The following DNAH17 variants were observed in gnomAD, a reference collection of about 807,000 sequenced individuals.
DNAH17 encodes dynein axonemal heavy chain 17.
DNAH17 carries 376 observed loss-of-function variants against 485.6 expected under a neutral mutation model. The ratio of observed to expected loss-of-function variants is 0.77; its 90% confidence interval spans 0.71 to 0.84. The LOEUF (loss-of-function observed/expected upper bound fraction) is 0.84, where lower values mean the gene tolerates loss of function less well. Ranked by LOEUF, DNAH17 falls within the 40% of genes least tolerant of loss-of-function variation. The probability of loss-of-function intolerance (pLI) is 0.00; values close to 1 mark genes in which losing one functional copy is unlikely to be tolerated. For synonymous variants in DNAH17, 3,031 were observed against 2,405.9 expected (o/e 1.26, Z -7.60); for missense variants, 6,370 against 5,839.3 (o/e 1.09, Z -2.96).
In DNAH17 at chr17:78,526,744, G is replaced by A. The variant is rs374211459; in HGVS notation, c.3625-7C>T. 56 of 1,603,534 alleles carry A rather than the reference G, an allele frequency of 3.5e-5. No individual in the cohort carries two copies. Among genetic ancestry groups the A allele is most frequent in the Non-Finnish European group, 4.4e-5 (52 of 1,172,914 alleles). On this transcript the variant is annotated splice_polypyrimidine_tract_variant and splice_region_variant and intron_variant, in intron 23 of 80. Coordinates refer to ENST00000389840, the MANE Select transcript of DNAH17 (RefSeq NM_173628.4). ...TGAACTCATGTTGCTTGAGCTGCGAGAGAAGAGTGCAAAGTACAGAGAGTC... is the reference window on the plus strand; with the variant it reads ...TGAACTCATGTTGCTTGAGCTGCGAAAGAAGAGTGCAAAGTACAGAGAGTC...
chr17:78,438,436 GGA>G (rs1491383876), intron 73 of DNAH17, among the ~76,000 whole-genome samples: 14 of 91,026 alleles, frequency 1.5e-4, no homozygotes, highest in Non-Finnish European at 2.0e-4. Flanking sequence ...AGGAGGAGGA[GGA>G]GGAGGAGGGA....
At chr17:78,433,385 G>A (rs1598441067) in intron 75 of DNAH17, among the ~76,000 whole-genome samples, 1 of 152,330 alleles carries the variant, frequency 6.6e-6, no homozygotes, top group Non-Finnish European at 1.5e-5. Context: ...CTACCATCTG[G>A]TCCCAAACCT....
intron 72 of DNAH17, 26 bp downstream of exon 72, chr17:78,441,025 G>C (rs775593235): frequency 6.4e-7 from 1 of 1,557,402 alleles, no homozygotes; most frequent in Non-Finnish European, 8.7e-7. Context: ...CCGTCTTTGA[G>C]AACATCACTT....
In DNAH17 at chr17:78,485,106, A is replaced by C. The variant is rs979922983; in HGVS notation, c.7484-73T>G. 34 of 1,488,904 alleles carry C rather than the reference A, an allele frequency of 2.3e-5. 1 individual carries two copies. Among genetic ancestry groups the C allele is most frequent in the East Asian group, 7.1e-5 (3 of 42,180 alleles). The allele number at this position is 1,488,904 out of a possible 1,614,324, so 92.2% of individuals were successfully genotyped here. Reference sequence around the variant, plus strand: ...AGCCTGTTAGGTAGGGAGGGGCGCTACCTGCTTCCCCGGAGGACAGAAGGT... The same window carrying C: ...AGCCTGTTAGGTAGGGAGGGGCGCTCCCTGCTTCCCCGGAGGACAGAAGGT... On this transcript the variant is annotated intron_variant, in intron 47 of 80. Coordinates refer to ENST00000389840, the MANE Select transcript of DNAH17 (RefSeq NM_173628.4).
At position 78,492,562 on chromosome 17, in the gene DNAH17, C is replaced by CG. The variant is rs1206622696; in HGVS notation, c.6541+70dup. The CG allele has an allele frequency of 5.1e-6, 8 of 1,577,996 alleles. No individual in the cohort carries two copies. The Admixed American group carries it at 1.2e-4, about 24-fold the overall frequency. On this transcript the variant is annotated intron_variant, in intron 42 of 80. Transcript: ENST00000389840. ...GGGAGGCTGGCCTTCCACGTGGGAA[C>CG]GGCTGAGCACACGCTCACTGCACTG...
At chr17:78,547,021 T>G (rs770651377) in intron 16 of DNAH17, among the ~76,000 whole-genome samples, 5 of 152,250 alleles carry the variant, frequency 3.3e-5, no homozygotes, top group Non-Finnish European at 7.3e-5. Flanking sequence ...TTATCAATCA[T>G]GTTTATCACC....
intron 42 of DNAH17, among the ~76,000 whole-genome samples, chr17:78,491,948 C>A (rs1301745476): frequency 6.6e-6 from 1 of 152,176 alleles, no homozygotes; most frequent in African/African-American, 2.4e-5. Context: ...ACGCTTCATG[C>A]GTCAGGCATG....
chr17:78,423,932 C>A lies in DNAH17; in HGVS notation c.13363G>T (p.Ala4455Ser). 1.2e-6 allele frequency: 2 copies of A among 1,613,998 alleles called. No homozygotes were observed. Among genetic ancestry groups the A allele is most frequent in the Non-Finnish European group, 1.7e-6 (2 of 1,179,894 alleles). Residue 4455 changes from alanine (A) to serine (S), a missense_variant, in exon 81 of 81, where the codon GCC becomes TCC. Coordinates refer to ENST00000389840, the MANE Select transcript of DNAH17 (RefSeq NM_173628.4). The part of the protein sequence containing the change: ...KEKAAKWILA[A>S]VALLLQV ...TAAACCTGTAGGAGCAGCGCCACGG[C>A]TGCCAGGATCCACTTCGCTGCCTTC...
At chr17:78,507,942 C>T (rs2090532928) in intron 27 of DNAH17, 137 bp from the exon 28 acceptor site, 2 of 776,186 alleles carry the variant, frequency 2.6e-6, no homozygotes, top group Non-Finnish European at 4.0e-6. Flanking sequence ...TTCACAGGAG[C>T]CAAAGGCAGA....
chr17:78,467,539 T>C (rs941792040), intron 55 of DNAH17, among the ~76,000 whole-genome samples: 1 of 152,134 alleles, frequency 6.6e-6, no homozygotes, highest in Admixed American at 6.5e-5. Flanking sequence ...CTAATTGGGC[T>C]ATGCAGCCCG....
At chr17:78,575,175 C>T (rs549549940) in intron 1 of DNAH17, 93 bp from the exon 2 acceptor site, 12 of 885,686 alleles carry the variant, frequency 1.4e-5, no homozygotes, top group South Asian at 1.8e-5. Context: ...CTGTTTCTAC[C>T]GGAGCAGGAA....
At chr17:78,425,753 CTGCTTTTTTTTTTTT>C (rs1023856566) in intron 79 of DNAH17, among the ~76,000 whole-genome samples, 182 bp from the exon 80 acceptor site, 2 of 113,014 alleles carry the variant, frequency 1.8e-5, no homozygotes, top group African/African-American at 4.2e-5. Flanking sequence ...ACTTTGGTGT[CTGCTTTTTTTTTTTT>C]TTTTTTTTTT....
chr17:78,493,864 T>TC, intron 41 of DNAH17, 172 bp downstream of exon 41: 1 of 931,564 alleles, frequency 1.1e-6, no homozygotes, highest in Non-Finnish European at 1.5e-6. Flanking sequence ...GCTCCTCCCC[T>TC]CCTCCTCGGC....
At chr17:78,526,012 T>C (rs80198717) in intron 24 of DNAH17, among the ~76,000 whole-genome samples, 27,189 of 152,212 alleles carry the variant, frequency 0.18, 2,801 homozygotes, top group East Asian at 0.47. Flanking sequence ...GGCACCGTAC[T>C]GGGAGCAAAG....
chr17:78,520,900 A>G (rs888129334), intron 25 of DNAH17, among the ~76,000 whole-genome samples: 2 of 152,176 alleles, frequency 1.3e-5, no homozygotes, highest in East Asian at 1.9e-4. Context: ...ATGGAAAAGT[A>G]CAAGTCCTAG....
chr17:78,438,992 A>C, intron 73 of DNAH17, 98 bp downstream of exon 73: 1 of 1,480,224 alleles, frequency 6.8e-7, no homozygotes. Context: ...TTCTGAATGC[A>C]AACTCCACAT....
intron 24 of DNAH17, 74 bp downstream of exon 24, chr17:78,526,577 G>A: frequency 1.2e-5 from 16 of 1,323,940 alleles, no homozygotes; most frequent in Non-Finnish European, 1.6e-5. Flanking sequence ...GGACTTGAAA[G>A]GATAACTACT....
rs1003163858 is a variant in DNAH17, at chr17:78,476,688, G to C, written c.8038C>G (p.Leu2680Val). ...TAEVLKTPLD[L>V]VRLWLHETER... is the part of the protein sequence containing the mutation. The stretch of plus-strand genomic sequence containing the variant: ...GTCTCATGTAGCCAAAGGCGGACGA[G>C]GTCCAGTGGGGTTTTCAGAACTTCT... The change falls in exon 52 of 81, where the codon CTC becomes GTC. Residue 2680 changes from leucine to valine, a missense_variant. Leu to Val is a conservative substitution (Grantham distance 32, BLOSUM62 1). Transcript: ENST00000389840. The C allele has an allele frequency of 6.2e-7, 1 of 1,612,954 alleles. No homozygotes were observed. Among genetic ancestry groups the C allele is most frequent in the Non-Finnish European group, 8.5e-7 (1 of 1,179,488 alleles).
At chr17:78,500,158 A>T in intron 36 of DNAH17, 147 bp downstream of exon 36, 1 of 873,120 alleles carries the variant, frequency 1.1e-6, no homozygotes, top group Non-Finnish European at 1.7e-6. Context: ...GCTACCAGCA[A>T]GTGGGGGCCC....
Sources: allele counts gnomAD v4.1 joint callset (sites outside exome capture counted in the v4.1 genomes callset), GRCh38; gene constraint gnomAD v4.1.1; transcripts MANE v1.5; gene names NCBI Gene and HGNC (gene_info 2026-07-23, HGNC 2026-07-21).